Variants in ITGA1 observed in about 807,000 individuals in gnomAD.
ITGA1 encodes the protein integrin alpha-1.
In ITGA1, 85 loss-of-function variants were observed where a neutral mutation model predicts 145.9. The observed-to-expected ratio is 0.58, with a 90% CI of 0.49 to 0.70. The LOEUF is 0.70. ITGA1 is among the 30% of genes least tolerant of loss of function. ITGA1 has a pLI of 0.00. For missense variants in ITGA1, 1,351 were observed against 1,418.7 expected (o/e 0.95, Z 0.77); for synonymous variants, 520 against 495.3 (o/e 1.05, Z -0.66).
chr5:52,837,245 G>C (rs1466950854), intron 1 of ITGA1, among the ~76,000 whole-genome samples: 2 of 152,118 alleles, frequency 1.3e-5, no homozygotes, highest in Non-Finnish European at 2.9e-5. Context: ...GACACTGGAC[G>C]AACAAAGCAA....
chr5:52,941,489 A>C (rs754674893), intron 26 of ITGA1, among the ~76,000 whole-genome samples: 15 of 151,996 alleles, frequency 9.9e-5, no homozygotes, highest in Non-Finnish European at 1.6e-4. Flanking sequence ...GATGGTACCT[A>C]CCTCATTTTG....
intron 9 of ITGA1, among the ~76,000 whole-genome samples, chr5:52,894,827 A>G (rs531834924): frequency 6.6e-6 from 1 of 152,176 alleles, no homozygotes; most frequent in Non-Finnish European, 1.5e-5. Context: ...CACAACTGAA[A>G]AAAAGTAGAC....
At chr5:52,804,077 A>G (rs1244083340) in intron 1 of ITGA1, 2 of 152,222 alleles carry the variant, frequency 1.3e-5, no homozygotes, top group Admixed American at 6.5e-5. Flanking sequence ...AATTCTTACT[A>G]GATCATAGGT....
chr5:52,801,857 T>C (rs1748495345), intron 1 of ITGA1: 1 of 1,545,888 alleles, frequency 6.5e-7, no homozygotes, highest in Non-Finnish European at 8.8e-7. Flanking sequence ...AAACTTAAAA[T>C]TGAGACAATC....
intron 26 of ITGA1, among the ~76,000 whole-genome samples, chr5:52,942,507 G>GT (rs1298858563): frequency 2.0e-5 from 3 of 148,038 alleles, no homozygotes; most frequent in Admixed American, 6.7e-5. Context: ...ATATTTCAGT[G>GT]TTTTTTGTAG....
chr5:52,846,954 A>T (rs1482348228), intron 1 of ITGA1, among the ~76,000 whole-genome samples: 1 of 152,192 alleles, frequency 6.6e-6, no homozygotes, highest in Non-Finnish European at 1.5e-5. Flanking sequence ...TTCTTCCTTC[A>T]ACATGTTATC....
At chr5:52,833,814 G>A (rs999849180) in intron 1 of ITGA1, among the ~76,000 whole-genome samples, 3 of 151,314 alleles carry the variant, frequency 2.0e-5, no homozygotes, top group South Asian at 4.2e-4. Context: ...TTAAAGGGGA[G>A]GTATATTAAC....
At chr5:52,946,706 G>A (rs1751140309) in intron 27 of ITGA1, among the ~76,000 whole-genome samples, 1 of 152,126 alleles carries the variant, frequency 6.6e-6, no homozygotes, top group African/African-American at 2.4e-5. Context: ...AGCTTGAGTA[G>A]CTGGAACACT....
intron 21 of ITGA1, among the ~76,000 whole-genome samples, chr5:52,930,906 A>T (rs1339242600): frequency 1.3e-5 from 2 of 152,118 alleles, no homozygotes; most frequent in Non-Finnish European, 2.9e-5. Context: ...TTGAGAGGTA[A>T]AGTCATCTGT....
intron 20 of ITGA1, among the ~76,000 whole-genome samples, chr5:52,928,588 T>C: frequency 6.6e-6 from 1 of 152,186 alleles, no homozygotes; most frequent in East Asian, 1.9e-4. Flanking sequence ...GTCACTCTGT[T>C]TTTCCTCAAC....
chr5:52,934,827 A>C (rs1750942158), intron 23 of ITGA1, among the ~76,000 whole-genome samples: 1 of 151,936 alleles, frequency 6.6e-6, no homozygotes, highest in Non-Finnish European at 1.5e-5. Flanking sequence ...ATAGAGTATA[A>C]ATAAACGTAT....
intron 1 of ITGA1, among the ~76,000 whole-genome samples, chr5:52,812,572 G>GA (rs1342310581): frequency 4.6e-5 from 7 of 152,076 alleles, no homozygotes; most frequent in South Asian, 2.1e-4. Flanking sequence ...CTCTGGACTA[G>GA]AAAATCTTGG....
At position 52,796,810 on chromosome 5, in the gene ITGA1, A is replaced by G. The variant is rs186054055; in HGVS notation, c.61+8396A>G. On this transcript the variant is annotated intron_variant, in intron 1 of 28. Coordinates refer to ENST00000282588, the MANE Select transcript of ITGA1 (RefSeq NM_181501.2). The stretch of plus-strand genomic sequence containing the variant: ...TAAATTAACATGGATTCAAGTTTAC[A>G]TGGTTTCAAGTTTGAGATAACATTT... Among the ~76,000 whole-genome samples the G allele has an allele frequency of 1.8e-4, 28 of 152,238 alleles. 1 individual carries two copies. Among genetic ancestry groups the G allele is most frequent in the African/African-American group, 6.3e-4 (26 of 41,570 alleles).
intron 1 of ITGA1, among the ~76,000 whole-genome samples, chr5:52,839,707 T>G (rs1208710032): frequency 1.3e-5 from 2 of 152,188 alleles, no homozygotes; most frequent in Non-Finnish European, 2.9e-5. Flanking sequence ...TTTGTTAGTA[T>G]GCACAATAGG....
intron 6 of ITGA1, among the ~76,000 whole-genome samples, chr5:52,871,965 A>G (rs1195054036): frequency 6.6e-6 from 1 of 152,198 alleles, no homozygotes; most frequent in Non-Finnish European, 1.5e-5. Flanking sequence ...TAAACATAAC[A>G]TTGCTTTTAA....
In ITGA1 at chr5:52,911,104, A is replaced by G. The variant is rs372585405; in HGVS notation, c.1857+685A>G. ...AGTATATATAGTGTATATATAGTGT[A>G]TATATAGTATATAGTGTATATATAG... On this transcript the variant is annotated intron_variant, in intron 14 of 28. Coordinates refer to ENST00000282588, the MANE Select transcript of ITGA1 (RefSeq NM_181501.2). 4.1e-4 allele frequency among the ~76,000 whole-genome samples: 55 copies of G among 133,354 alleles called. No homozygotes were observed. In the East Asian group the frequency reaches 8.5e-3, roughly 21 times the overall value. 87.5% of individuals were successfully genotyped at this position (133,354 alleles called of 152,430 possible). A position where few individuals can be genotyped will look rare whatever the true frequency, so the allele number is the denominator to read the frequency against.
chr5:52,821,987 A>G (rs1748886770), intron 1 of ITGA1, among the ~76,000 whole-genome samples: 1 of 152,210 alleles, frequency 6.6e-6, no homozygotes, highest in South Asian at 2.1e-4. Flanking sequence ...TGAATATATC[A>G]CATTATAATA....
At chr5:52,855,240 A>T (rs1749494685) in intron 2 of ITGA1, among the ~76,000 whole-genome samples, 1 of 152,248 alleles carries the variant, frequency 6.6e-6, no homozygotes, top group Non-Finnish European at 1.5e-5. Context: ...CTCCCCCTTT[A>T]GCAACAAGGA....
Position 52,912,592 on chromosome 5 carries a change from G to GTATTATATATAGTGTATCCACTATA in ITGA1, c.1857+2192_1857+2216dup, listed in dbSNP as rs1561247237. Among the ~76,000 whole-genome samples, 107 of 104,738 alleles carry GTATTATATATAGTGTATCCACTATA rather than the reference G, an allele frequency of 1.0e-3. 3 individuals carry two copies. Among genetic ancestry groups the GTATTATATATAGTGTATCCACTATA allele is most frequent in the African/African-American group, 2.8e-3 (62 of 21,922 alleles). 68.7% of individuals were successfully genotyped at this position (104,738 alleles called of 152,430 possible). On this transcript the variant is annotated intron_variant, in intron 14 of 28. Transcript: ENST00000282588. ...ATTATATATAGTGTATCCACTATAG[G>GTATTATATATAGTGTATCCACTATA]TATTATATATAGTGTATCCACTATA...
Sources: allele counts gnomAD v4.1 joint callset (sites outside exome capture counted in the v4.1 genomes callset), GRCh38; gene constraint gnomAD v4.1.1; transcripts MANE v1.5; gene names NCBI Gene and HGNC (gene_info 2026-07-23, HGNC 2026-07-21).